The following JAM2 variants were observed in gnomAD, a reference collection of about 807,000 sequenced individuals.
JAM2 encodes junctional adhesion molecule B.
JAM2 carries 17 observed loss-of-function variants against 42.0 expected under a neutral mutation model. That is an observed-to-expected ratio of 0.40 (90% confidence interval 0.28 to 0.61). The LOEUF is 0.61. Ranked by LOEUF, JAM2 falls within the 20% of genes least tolerant of loss-of-function variation. The pLI, the probability that JAM2 is intolerant of heterozygous loss-of-function variation, is 0.37. For synonymous variants in JAM2, 118 were observed against 128.6 expected, an observed-to-expected ratio of 0.92 and a Z score of 0.56; for missense variants, 319 against 358.3, an observed-to-expected ratio of 0.89 and a Z score of 0.89.
intron 1 of JAM2, among the ~76,000 whole-genome samples, chr21:25,641,211 A>T (rs1481529078): frequency 1.2e-5 from 1 of 85,916 alleles, no homozygotes; most frequent in Non-Finnish European, 3.2e-5. Flanking sequence ...GGCTGGAGAA[A>T]TCGTTAACAG....
chr21:25,671,300 T>C (rs949414461), intron 1 of JAM2, among the ~76,000 whole-genome samples: 1 of 35,180 alleles, frequency 2.8e-5, no homozygotes, highest in Non-Finnish European at 1.8e-4. Flanking sequence ...AGAAAAATAA[T>C]ACAAAAAAAT....
rs1422872004 is a variant in JAM2, at chr21:25,706,225, C to CTGGA, written c.805+140_805+143dup. On this transcript the variant is annotated intron_variant, in intron 7 of 9. Coordinates refer to ENST00000480456, the MANE Select transcript of JAM2 (RefSeq NM_021219.4). ...ACAGAGTCTTGCTCTGTTGCCCAGG[C>CTGGA]TGGAGTGCAGTGGTGGCAAAATCTC... The CTGGA allele has an allele frequency of 4.8e-6, 3 of 621,458 alleles. No individual in the cohort carries two copies. The East Asian group carries it at 9.1e-5, about 19-fold the overall frequency. 38.5% of individuals were successfully genotyped at this position (621,458 alleles called of 1,614,324 possible).
chr21:25,666,577 C>T (rs1040579798), intron 1 of JAM2, among the ~76,000 whole-genome samples: 1 of 152,256 alleles, frequency 6.6e-6, no homozygotes. Flanking sequence ...TGCTCTGTCT[C>T]CCAGGCTGGA....
intron 1 of JAM2, among the ~76,000 whole-genome samples, chr21:25,662,899 C>T (rs2033125713): frequency 6.6e-6 from 1 of 152,104 alleles, no homozygotes; most frequent in Non-Finnish European, 1.5e-5. Flanking sequence ...ACATCATGCT[C>T]CTAACACTAT....
At position 25,665,982 on chromosome 21, in the gene JAM2, G is replaced by T. The variant is rs939386560; in HGVS notation, c.68-17901G>T. Reference sequence around the variant, plus strand: ...TTGAACCCAGGAGGCTGAGGTTGCAGTTTGCTGAGATTGCGCCATTGCACT... The same window carrying T: ...TTGAACCCAGGAGGCTGAGGTTGCATTTTGCTGAGATTGCGCCATTGCACT... On this transcript the variant is annotated intron_variant, in intron 1 of 9. Coordinates refer to ENST00000480456, the MANE Select transcript of JAM2 (RefSeq NM_021219.4). Among the ~76,000 whole-genome samples the T allele has an allele frequency of 2.6e-5, 4 of 152,168 alleles. No individual in the cohort carries two copies. In the East Asian group the frequency reaches 7.7e-4, roughly 29 times the overall value.
At chr21:25,711,423 A>G (rs1410155746) in intron 8 of JAM2, 14 of 456,088 alleles carry the variant, frequency 3.1e-5, no homozygotes, top group East Asian at 1.4e-4. Context: ...ATGACAAACT[A>G]TCTGAGGCTA....
intron 1 of JAM2, 59 bp from the exon 2 acceptor site, chr21:25,683,824 G>A: frequency 8.0e-7 from 1 of 1,254,936 alleles, no homozygotes; most frequent in East Asian, 2.4e-5. Context: ...ATCCCATTCA[G>A]ACATTTGAAA....
At chr21:25,682,466 C>T (rs570601597) in intron 1 of JAM2, among the ~76,000 whole-genome samples, 3 of 152,240 alleles carry the variant, frequency 2.0e-5, no homozygotes, top group South Asian at 2.1e-4. Context: ...CCTCGCAGGA[C>T]GTGCGACAGG....
At chr21:25,706,763 G>A (rs1025625594) in intron 7 of JAM2, among the ~76,000 whole-genome samples, 5 of 151,670 alleles carry the variant, frequency 3.3e-5, no homozygotes, top group African/African-American at 4.9e-5. Context: ...TTTTTGAGAC[G>A]GAGTCTCACT....
At chr21:25,690,003 A>C (rs2033842283) in intron 3 of JAM2, 30 bp downstream of exon 3, 1 of 1,362,252 alleles carries the variant, frequency 7.3e-7, no homozygotes, top group Admixed American at 1.7e-5. Context: ...AAGAGGTGTG[A>C]GCAAGAGAAT....
At chr21:25,709,005 T>C (rs2034329052) in intron 7 of JAM2, among the ~76,000 whole-genome samples, 1 of 152,080 alleles carries the variant, frequency 6.6e-6, no homozygotes, top group African/African-American at 2.4e-5. Flanking sequence ...CAAAAATGGC[T>C]TTACAGATGA....
intron 1 of JAM2, among the ~76,000 whole-genome samples, chr21:25,666,016 GGTGATAGA>G (rs935877937): frequency 1.3e-4 from 19 of 151,892 alleles, no homozygotes; most frequent in African/African-American, 3.6e-4. Context: ...CTCCAGCCCG[GGTGATAGA>G]GTGAGACACC....
chr21:25,654,244 G>C (rs557403703), intron 1 of JAM2, among the ~76,000 whole-genome samples: 1 of 152,264 alleles, frequency 6.6e-6, no homozygotes, highest in Non-Finnish European at 1.5e-5. Context: ...TTGACTTAGG[G>C]TATGATTATT....
At chr21:25,647,189 G>A (rs572219726) in intron 1 of JAM2, among the ~76,000 whole-genome samples, 8 of 152,242 alleles carry the variant, frequency 5.3e-5, no homozygotes, top group African/African-American at 1.4e-4. Context: ...TTTCTTATAT[G>A]TCTAACTAAA....
At chr21:25,710,655 G>GA (rs2034364790) in intron 8 of JAM2, among the ~76,000 whole-genome samples, 1 of 152,160 alleles carries the variant, frequency 6.6e-6, no homozygotes, top group Admixed American at 6.5e-5. Context: ...ATGTCAGCGG[G>GA]ACCAGGGTGG....
chr21:25,696,434 G>A (rs558000501), intron 4 of JAM2, among the ~76,000 whole-genome samples: 5 of 152,142 alleles, frequency 3.3e-5, no homozygotes, highest in African/African-American at 1.2e-4. Context: ...GGGAGAGGGA[G>A]CCCCCTTCCT....
intron 1 of JAM2, among the ~76,000 whole-genome samples, chr21:25,667,170 T>A (rs905837201): frequency 6.6e-6 from 1 of 152,212 alleles, no homozygotes. Context: ...ACAATTCACC[T>A]GGGATGGGAA....
intron 9 of JAM2, among the ~76,000 whole-genome samples, chr21:25,712,688 T>G (rs148821648): frequency 3.3e-4 from 51 of 152,276 alleles, no homozygotes; most frequent in African/African-American, 1.2e-3. Context: ...TCAGCTCCCT[T>G]TGACAGATGA....
chr21:25,699,515 G>A (rs1163221553), intron 5 of JAM2, among the ~76,000 whole-genome samples: 1 of 152,064 alleles, frequency 6.6e-6, no homozygotes, highest in South Asian at 2.1e-4. Context: ...GAGGTCAGGA[G>A]ATCAAGACCA....
Sources: allele counts gnomAD v4.1 joint callset (sites outside exome capture counted in the v4.1 genomes callset), GRCh38; gene constraint gnomAD v4.1.1; transcripts MANE v1.5; gene names NCBI Gene and HGNC (gene_info 2026-07-23, HGNC 2026-07-21).